CYP39A1: variants seen among roughly 807,000 people sequenced by gnomAD.
The protein encoded by CYP39A1 is 24-hydroxycholesterol 7-alpha-hydroxylase.
Under a neutral mutation model 58.1 loss-of-function variants are expected in CYP39A1, and 49 were observed. The observed-to-expected ratio is 0.84, with a 90% confidence interval of 0.67 to 1.07. The LOEUF (loss-of-function observed/expected upper bound fraction) is 1.07, where lower values mean the gene tolerates loss of function less well. Among genes scored for constraint, CYP39A1 ranks in the 50% least tolerant of loss-of-function variants. CYP39A1 has a pLI of 0.00. For missense variants in CYP39A1, 531 were observed against 539.4 expected (o/e 0.98, Z 0.16); for synonymous variants, 209 against 187.6 (o/e 1.11, Z -0.93).
Position 46,567,606 on chromosome 6 carries a change from T to C in CYP39A1, c.1251-13752A>G, listed in dbSNP as rs1031564402. Among the ~76,000 whole-genome samples the C allele has an allele frequency of 6.6e-5, 10 of 152,214 alleles. No individual in the cohort carries two copies. In the East Asian group the frequency reaches 1.9e-3, roughly 29 times the overall value. Reference sequence around the variant, plus strand: ...CACCAATAATGCACAAAGGTTCCAATTTCTCCACATCCTCACCAACACTTG... The same window carrying C: ...CACCAATAATGCACAAAGGTTCCAACTTCTCCACATCCTCACCAACACTTG... On this transcript the variant is annotated intron_variant, in intron 10 of 11. Coordinates refer to ENST00000275016, the MANE Select transcript of CYP39A1 (RefSeq NM_016593.5).
At position 46,616,199 on chromosome 6, in the gene CYP39A1, C is replaced by T. The variant is rs1163085803; in HGVS notation, c.931+9219G>A. Among the ~76,000 whole-genome samples, 7 of 1,718 alleles carry T rather than the reference C, an allele frequency of 4.1e-3. 1 individual carries two copies. The highest frequency in any genetic ancestry group is 0.018 in the African/African-American group (5 of 278). The allele number at this position is 1,718 out of a possible 152,430, so 1.1% of individuals were successfully genotyped here. ...TCTTTCTTTCTTTCTTCTTTCCCTC[C>T]CTCCCTCCCTCCCTCCCTCCCTCCC... On this transcript the variant is annotated intron_variant, in intron 7 of 11. Transcript: ENST00000275016.
At chr6:46,650,842 G>A (rs1762641775) in intron 1 of CYP39A1, among the ~76,000 whole-genome samples, 1 of 152,034 alleles carries the variant, frequency 6.6e-6, no homozygotes, top group South Asian at 2.1e-4. Flanking sequence ...AGTCAGGAAA[G>A]CAATAGAGAC....
chr6:46,567,740 C>T lies in CYP39A1; in HGVS notation c.1251-13886G>A, dbSNP rs141157512. 3.2e-3 allele frequency among the ~76,000 whole-genome samples: 485 copies of T among 152,242 alleles called. 3 individuals are homozygous for T. The highest frequency in any genetic ancestry group is 0.019 in the South Asian group (90 of 4,818). On this transcript the variant is annotated intron_variant, in intron 10 of 11. Coordinates refer to ENST00000275016, the MANE Select transcript of CYP39A1 (RefSeq NM_016593.5). ...TGTTTGGAATATATAAGGAATAGAA[C>T]TGCAATTCAGGGCACACACACAGAC...
chr6:46,624,330 A>G (rs2150571015), intron 7 of CYP39A1, among the ~76,000 whole-genome samples: 1 of 152,246 alleles, frequency 6.6e-6, no homozygotes, highest in East Asian at 1.9e-4. Context: ...GTGCCTTTCT[A>G]TTTGTTTTGT....
At chr6:46,592,323 T>C (rs75686200) in intron 8 of CYP39A1, among the ~76,000 whole-genome samples, 2 of 152,292 alleles carry the variant, frequency 1.3e-5, no homozygotes, top group East Asian at 3.9e-4. Flanking sequence ...CCTCTGTCAT[T>C]ACTCAACATA....
chr6:46,645,811 C>A (rs1762287724), intron 1 of CYP39A1, among the ~76,000 whole-genome samples: 1 of 152,038 alleles, frequency 6.6e-6, no homozygotes, highest in Non-Finnish European at 1.5e-5. Context: ...ATGTTTCTCC[C>A]TTAAGACCTT....
At chr6:46,603,005 C>T (rs1180540704) in intron 7 of CYP39A1, among the ~76,000 whole-genome samples, 2 of 151,554 alleles carry the variant, frequency 1.3e-5, no homozygotes, top group Admixed American at 6.6e-5. Flanking sequence ...TTTTAACTGG[C>T]CAGGATTTCA....
chr6:46,639,802 A>G (rs1165054073), intron 2 of CYP39A1, 134 bp from the exon 3 acceptor site: 1 of 663,678 alleles, frequency 1.5e-6, no homozygotes, highest in Non-Finnish European at 2.5e-6. Flanking sequence ...CCTCCCATAA[A>G]TAAAAGTAGA....
chr6:46,558,883 C>T (rs1770809462), intron 10 of CYP39A1, among the ~76,000 whole-genome samples: 1 of 151,618 alleles, frequency 6.6e-6, no homozygotes, highest in South Asian at 2.1e-4. Flanking sequence ...GTAATCCCAG[C>T]TACTCAGGAG....
chr6:46,641,346 A>G (rs114097994), intron 2 of CYP39A1, among the ~76,000 whole-genome samples: 1 of 152,184 alleles, frequency 6.6e-6, no homozygotes. Context: ...TCATGCATAC[A>G]AGAAGAAAAA....
rs1209459972 is a variant in CYP39A1, at chr6:46,637,907, AT to A, written c.559del (p.Ile187SerfsTer26). 1 of 1,612,852 alleles carries A rather than the reference AT, an allele frequency of 6.2e-7. No homozygotes were observed. Among genetic ancestry groups the A allele is most frequent in the Non-Finnish European group, 8.5e-7 (1 of 1,179,720 alleles). ...TTGAAAATACTGATGGAACTCCTTG[AT>A]TTTTTTCTTGTTTGTGGAAAACAAA... is the stretch of plus-strand genomic sequence containing the variant. ...KSLFSTNKKK[I>X]KEFHQYFQVY... On this transcript the variant is annotated frameshift_variant, in exon 4 of 12. Transcript: ENST00000275016. LOFTEE classifies it high-confidence loss of function.
chr6:46,578,215 C>A (rs1771942706), intron 10 of CYP39A1, among the ~76,000 whole-genome samples: 1 of 152,010 alleles, frequency 6.6e-6, no homozygotes, highest in Non-Finnish European at 1.5e-5. Context: ...AAAACAAATA[C>A]TTGGAAATGA....
At chr6:46,620,344 C>T (rs979030610) in intron 7 of CYP39A1, among the ~76,000 whole-genome samples, 3 of 152,160 alleles carry the variant, frequency 2.0e-5, no homozygotes, top group African/African-American at 7.2e-5. Flanking sequence ...GAAGACCTTA[C>T]TTGCAAGACT....
chr6:46,612,398 T>G (rs939349679), intron 7 of CYP39A1, among the ~76,000 whole-genome samples: 1 of 152,348 alleles, frequency 6.6e-6, no homozygotes, highest in East Asian at 1.9e-4. Context: ...GCCAAGGGAA[T>G]AAGAAGATAG....
Position 46,618,175 on chromosome 6 carries a change from C to T in CYP39A1, c.931+7243G>A, listed in dbSNP as rs181636048. 2.7e-3 allele frequency among the ~76,000 whole-genome samples: 416 copies of T among 152,214 alleles called. 4 individuals carry two copies. The highest frequency in any genetic ancestry group is 9.5e-3 in the African/African-American group (393 of 41,546). On this transcript the variant is annotated intron_variant, in intron 7 of 11. Transcript: ENST00000275016. ...AGCAATTACGATTTGCCAGGTACTA[C>T]GCTATCTATCTAATTTACATGTGTT...
chr6:46,645,584 C>T (rs975884560), intron 1 of CYP39A1, among the ~76,000 whole-genome samples: 3 of 152,064 alleles, frequency 2.0e-5, no homozygotes, highest in Admixed American at 6.5e-5. Context: ...AATAATAGGC[C>T]TTGAAATTGA....
intron 10 of CYP39A1, among the ~76,000 whole-genome samples, chr6:46,564,643 T>C (rs36072290): frequency 3.6e-4 from 54 of 151,952 alleles, no homozygotes; most frequent in Non-Finnish European, 8.8e-5. Context: ...TTGGGGAAAA[T>C]TGATGATTTT....
At chr6:46,616,218 C>T (rs1292643196) in intron 7 of CYP39A1, among the ~76,000 whole-genome samples, 1 of 21,272 alleles carries the variant, frequency 4.7e-5, no homozygotes, top group African/African-American at 2.1e-4. Flanking sequence ...CTCCCTCCCT[C>T]CCTCCCTCCC....
intron 5 of CYP39A1, among the ~76,000 whole-genome samples, chr6:46,631,322 C>G (rs1253590197): frequency 1.3e-5 from 2 of 152,200 alleles, no homozygotes; most frequent in African/African-American, 2.4e-5. Flanking sequence ...GCTGGATGAC[C>G]TTGAACAAGC....
Sources: gnomAD v4.1 joint callset for allele counts (sites outside exome capture counted in the v4.1 genomes callset) on GRCh38, gnomAD v4.1.1 for gene constraint, MANE v1.5 for transcripts, NCBI Gene and HGNC (gene_info 2026-07-23, HGNC 2026-07-21) for gene names.